Variants in DOCK11 observed in about 807,000 individuals in gnomAD.
The protein encoded by DOCK11 is dedicator of cytokinesis protein 11.
DOCK11 carries 70 observed loss-of-function variants against 169.1 expected under a neutral mutation model. The ratio of observed to expected loss-of-function variants is 0.41; its 90% CI spans 0.34 to 0.51. DOCK11 has a LOEUF of 0.51. DOCK11 is among the 20% of genes least tolerant of loss of function. The pLI is 0.10. For synonymous variants in DOCK11, 529 were observed against 541.3 expected (o/e 0.98, Z 0.32); for missense variants, 1,166 against 1,538.8 (o/e 0.76, Z 4.05).
chrX:118,497,331 A>G lies in DOCK11; in HGVS notation c.102+1258A>G, dbSNP rs755377626. Among the ~76,000 whole-genome samples the G allele has an allele frequency of 2.7e-5, 3 of 112,042 alleles. No homozygotes were observed. The East Asian group carries it at 8.4e-4, about 31-fold the overall frequency. The stretch of plus-strand genomic sequence containing the variant: ...AAGGGAGGCCAGGGGCTTGATCCCA[A>G]CAGTGGAGAAAGTTGACATTAGTGG... On this transcript the variant is annotated intron_variant, in intron 1 of 52. Transcript: ENST00000276202.
At chrX:118,498,211 A>G (rs1404684230) in intron 1 of DOCK11, among the ~76,000 whole-genome samples, 1 of 112,434 alleles carries the variant, frequency 8.9e-6, no homozygotes, top group Non-Finnish European at 1.9e-5. Context: ...ATGAATATCT[A>G]TTGAGCCCTT....
intron 44 of DOCK11, among the ~76,000 whole-genome samples, chrX:118,659,323 A>G (rs2016157585): frequency 8.9e-6 from 1 of 111,977 alleles, no homozygotes; most frequent in Non-Finnish European, 1.9e-5. Flanking sequence ...CAAGGTCAAG[A>G]GTCCTGGTCA....
At position 118,524,174 on chromosome X, in the gene DOCK11, G is replaced by A. The variant is rs189794753; in HGVS notation, c.103-18551G>A. On this transcript the variant is annotated intron_variant, in intron 1 of 52. Coordinates refer to ENST00000276202, the MANE Select transcript of DOCK11 (RefSeq NM_144658.4). The stretch of plus-strand genomic sequence containing the variant: ...GTCATTAGTACACAAGTGCCCCACC[G>A]CATTAGCTGCCTAAAAAGGAGCCAA... Among the ~76,000 whole-genome samples, 372 of 111,580 alleles carry A rather than the reference G, an allele frequency of 3.3e-3. 2 individuals carry two copies. The highest frequency in any genetic ancestry group is 0.012 in the African/African-American group (355 of 30,726).
At chrX:118,665,730 C>G (rs1280495817) in intron 45 of DOCK11, among the ~76,000 whole-genome samples, 1 of 111,161 alleles carries the variant, frequency 9.0e-6, no homozygotes, top group African/African-American at 3.3e-5. Context: ...TAAACCCTAG[C>G]CAATTAAAAA....
At chrX:118,515,210 A>G (rs749647977) in intron 1 of DOCK11, among the ~76,000 whole-genome samples, 1 of 112,047 alleles carries the variant, frequency 8.9e-6, no homozygotes, top group African/African-American at 3.2e-5. Context: ...TGCGCTCTTC[A>G]TCTCAAGATC....
intron 1 of DOCK11, among the ~76,000 whole-genome samples, chrX:118,516,472 C>T (rs1242443221): frequency 9.9e-6 from 1 of 101,337 alleles, no homozygotes; most frequent in Admixed American, 1.1e-4. Flanking sequence ...CTCTCACACT[C>T]GCTCTGTTGC....
At chrX:118,630,240 C>T (rs927390831) in intron 34 of DOCK11, 139 bp from the exon 35 acceptor site, 41 of 422,623 alleles carry the variant, frequency 9.7e-5, no homozygotes, top group Middle Eastern at 1.4e-3. Context: ...TCAGCCCATT[C>T]ACCTTCAAGT....
intron 6 of DOCK11, among the ~76,000 whole-genome samples, chrX:118,548,624 A>G (rs1382533047): frequency 9.0e-6 from 1 of 111,181 alleles, no homozygotes; most frequent in Non-Finnish European, 1.9e-5. Context: ...GGGTACAGAA[A>G]AGACTCACAG....
intron 16 of DOCK11, among the ~76,000 whole-genome samples, 178 bp downstream of exon 16, chrX:118,585,295 G>T (rs934802594): frequency 9.1e-6 from 1 of 109,579 alleles, no homozygotes; most frequent in African/African-American, 3.3e-5. Context: ...CACAGTTCCA[G>T]AGGCTAGAAG....
In DOCK11 at chrX:118,584,818, C is replaced by T. The variant is rs1006129827; in HGVS notation, c.1679C>T (p.Ser560Leu). Residue 560 changes from serine (S) to leucine (L), a missense_variant, in exon 15 of 53, where the codon TCA becomes TTA. Physicochemically the swap from Ser to Leu is moderately radical, Grantham distance 145 (BLOSUM62 -2). Transcript: ENST00000276202. ...TATAAACAAGACAGTAGCAAGCTTT[C>T]AAGTGAAGACATTCTCAAGTTGCTC... ...PLYKQDSSKL[S>L]SEDILKLLSE... The T allele has an allele frequency of 2.7e-5, 32 of 1,198,430 alleles. No homozygotes were observed. Among genetic ancestry groups the T allele is most frequent in the Non-Finnish European group, 3.6e-5 (32 of 889,916 alleles).
chrX:118,680,146 C>T (rs1403154366), intron 48 of DOCK11, among the ~76,000 whole-genome samples: 7 of 109,087 alleles, frequency 6.4e-5, no homozygotes, highest in Admixed American at 3.9e-4. Context: ...AGGCTGGTCT[C>T]AAACCCCTGA....
chrX:118,595,479 C>T (rs1416102896), intron 20 of DOCK11, among the ~76,000 whole-genome samples: 1 of 111,206 alleles, frequency 9.0e-6, no homozygotes, highest in Non-Finnish European at 1.9e-5. Context: ...GAGGGAGTTC[C>T]CTTTGCAGGT....
At chrX:118,518,232 G>A (rs1025946921) in intron 1 of DOCK11, among the ~76,000 whole-genome samples, 1 of 111,623 alleles carries the variant, frequency 9.0e-6, no homozygotes, top group Non-Finnish European at 1.9e-5. Flanking sequence ...GAAATGGAAG[G>A]TCTTGCCTCT....
Position 118,643,462 on chromosome X carries a change from A to T in DOCK11, c.4266A>T (p.Gln1422His). The change falls in exon 40 of 53, where the codon CAA (glutamine) becomes CAT (histidine). Residue 1422 changes from glutamine (Q) to histidine (H), a missense_variant. By Grantham distance (24) the Gln-to-His change is conservative. Coordinates refer to ENST00000276202, the MANE Select transcript of DOCK11 (RefSeq NM_144658.4). Reference protein sequence around the residue: ...ISFFTQCFKTQLLNNDGHNPL... With the variant: ...ISFFTQCFKTHLLNNDGHNPL... ...TATTTTTTAATGTTTTATAGACCCA[A>T]CTTTTAAATAATGATGGCCATAACC... The T allele has an allele frequency of 3.3e-6, 4 of 1,207,305 alleles. No homozygotes were observed. Among genetic ancestry groups the T allele is most frequent in the Non-Finnish European group, 4.5e-6 (4 of 893,404 alleles).
intron 46 of DOCK11, among the ~76,000 whole-genome samples, chrX:118,672,010 T>A (rs143105814): frequency 1.1e-4 from 12 of 112,337 alleles, no homozygotes; most frequent in African/African-American, 3.9e-4. Flanking sequence ...ACCTCCCCTC[T>A]TCCTCTCAGA....
chrX:118,643,114 G>T (rs773991760), intron 39 of DOCK11, among the ~76,000 whole-genome samples: 1 of 111,319 alleles, frequency 9.0e-6, no homozygotes, highest in African/African-American at 3.3e-5. Context: ...TACAAAGGCT[G>T]ATTTGCTTGT....
chrX:118,530,703 C>G lies in DOCK11; in HGVS notation c.103-12022C>G, dbSNP rs201138624. On this transcript the variant is annotated intron_variant, in intron 1 of 52. Transcript: ENST00000276202. ...CTTCACCAGTGATATGAATCACTCC[C>G]TTCCCTGTGTCTGCATGGCACTCTC... Among the ~76,000 whole-genome samples the G allele has an allele frequency of 7.1e-5, 8 of 112,273 alleles. No homozygotes were observed. The East Asian group carries it at 2.2e-3, about 31-fold the overall frequency.
intron 10 of DOCK11, among the ~76,000 whole-genome samples, chrX:118,569,059 T>TTCTC (rs1386636065): frequency 3.7e-5 from 4 of 107,235 alleles, no homozygotes; most frequent in African/African-American, 1.3e-4. Flanking sequence ...CTTTCTTTCT[T>TTCTC]TCTCTCTCTC....
chrX:118,520,755 C>G (rs766497358), intron 1 of DOCK11, among the ~76,000 whole-genome samples: 1 of 112,277 alleles, frequency 8.9e-6, no homozygotes, highest in African/African-American at 3.2e-5. Context: ...GTTAGAAAAT[C>G]ACTTCCAGAT....
Sources: allele counts gnomAD v4.1 joint callset (sites outside exome capture counted in the v4.1 genomes callset), GRCh38; gene constraint gnomAD v4.1.1; transcripts MANE v1.5; gene names NCBI Gene and HGNC (gene_info 2026-07-23, HGNC 2026-07-21).